The following RYR1 variants were observed in gnomAD, a reference collection of about 807,000 sequenced individuals.
RYR1 encodes the protein ryanodine receptor 1.
RYR1 carries 342 observed loss-of-function variants against 583.5 expected under a neutral mutation model. The ratio of observed to expected loss-of-function variants is 0.59; its 90% CI spans 0.54 to 0.64. The LOEUF (loss-of-function observed/expected upper bound fraction) is 0.64. Ranked by LOEUF, RYR1 falls within the 30% of genes least tolerant of loss-of-function variation. The pLI, the probability that RYR1 is intolerant of heterozygous loss-of-function variation, is 0.00. For missense variants in RYR1, 6,032 were observed against 6,917.2 expected, an observed-to-expected ratio of 0.87 and a Z score of 4.54; for synonymous variants, 2,791 against 2,822.5, an observed-to-expected ratio of 0.99 and a Z score of 0.35.
chr19:38,528,015 G>T (rs1971552014), intron 73 of RYR1: 2 of 621,024 alleles, frequency 3.2e-6, no homozygotes, highest in Admixed American at 2.9e-5. Context: ...AGGTCTAGGG[G>T]TGGGGCCTAG....
intron 52 of RYR1, 61 bp downstream of exon 52, chr19:38,505,142 G>GAT: frequency 1.3e-6 from 2 of 1,507,630 alleles, no homozygotes; most frequent in Non-Finnish European, 1.8e-6. Context: ...CCCCCGACCT[G>GAT]GTTCTTCCCT....
At chr19:38,508,441 C>T (rs1014564350) in intron 58 of RYR1, among the ~76,000 whole-genome samples, 41 of 152,070 alleles carry the variant, frequency 2.7e-4, no homozygotes, top group African/African-American at 9.7e-4. Flanking sequence ...CTCGATCTCT[C>T]GACCTCGTGA....
At chr19:38,488,095 G>C (rs1377355414) in intron 34 of RYR1, among the ~76,000 whole-genome samples, 1 of 152,092 alleles carries the variant, frequency 6.6e-6, no homozygotes, top group African/African-American at 2.4e-5. Context: ...GTGATTACAG[G>C]TGTGAGCCAC....
rs778555916 is a variant in RYR1 at position 38,504,203 on chromosome 19, C to G, written c.7927-17C>G. The G allele has an allele frequency of 6.2e-7, 1 of 1,605,598 alleles. No homozygotes were observed. The highest frequency in any genetic ancestry group is 1.7e-5 in the Admixed American group (1 of 58,414). ...GTGCCCCCCTCATTTGTGTGTCCCC[C>G]TCTTGTTCCCACCCAGCTCCTCACC... On this transcript the variant is annotated splice_polypyrimidine_tract_variant and intron_variant, in intron 49 of 105. Coordinates refer to ENST00000359596, the MANE Select transcript of RYR1 (RefSeq NM_000540.3).
intron 36 of RYR1, 138 bp from the exon 37 acceptor site, chr19:38,490,483 C>T (rs1195481508): frequency 7.5e-6 from 6 of 797,846 alleles, no homozygotes; most frequent in Non-Finnish European, 1.3e-5. Flanking sequence ...TGGCCCTAGT[C>T]TCCCAAATAG....
intron 104 of RYR1, 106 bp from the exon 105 acceptor site, chr19:38,586,419 G>A (rs1316811424): frequency 1.8e-5 from 23 of 1,257,994 alleles, no homozygotes; most frequent in African/African-American, 3.0e-5. Context: ...CCAGGAGTTC[G>A]AGACCAGCTT....
At position 38,505,358 on chromosome 19, in the gene RYR1, C is replaced by G. The variant is rs35180584; in HGVS notation, c.8360C>G (p.Thr2787Ser). 2.0e-3 allele frequency: 3,225 copies of G among 1,612,374 alleles called. 39 individuals are homozygous for G. In the African/African-American group the frequency reaches 0.03, roughly 15 times the overall value. ...YGENIDEELK[T>S]HPMLRPYKTF... ...GAGAACATAGACGAGGAGCTGAAGA[C>G]CCACCCCATGCTGAGGCCCTACAAG... The change falls in exon 53 of 106, where the codon ACC becomes AGC. Residue 2787 changes from threonine to serine, a missense_variant. Coordinates refer to ENST00000359596, the MANE Select transcript of RYR1 (RefSeq NM_000540.3).
In RYR1 at chr19:38,528,690, C is replaced by A; in HGVS notation, c.11029C>A (p.Leu3677Ile). The A allele has an allele frequency of 6.2e-7, 1 of 1,614,134 alleles. No homozygotes were observed. Among genetic ancestry groups the A allele is most frequent in the South Asian group, 1.1e-5 (1 of 91,082 alleles). The change falls in exon 75 of 106, where the codon CTT (leucine) becomes ATT (isoleucine). Residue 3677 changes from leucine to isoleucine, a missense_variant. Around this residue, in one of 11 missense-constraint regions of RYR1, gnomAD observed 1,493 missense variants for 1,715.5 expected, o/e 0.87. Transcript: ENST00000359596. Reference protein sequence around the residue: ...HSFEDRMIDDLSKAGEQEEEE... With the variant: ...HSFEDRMIDDISKAGEQEEEE... ...TTTTGAGGACCGCATGATAGATGAC[C>A]TTTCAGTGAGCTGGGACCCGCCTGG...
At position 38,586,143 on chromosome 19, in the gene RYR1, A is replaced by T; in HGVS notation, c.14921A>T (p.His4974Leu). Residue 4974 changes from histidine (H) to leucine (L), a missense_variant, in exon 104 of 106, where the codon CAT becomes CTT. Transcript: ENST00000359596. ...AGTGACTACTTTGATACGACACCGC[A>T]TGGCTTCGAGACTCACACGCTGGAG... is the stretch of plus-strand genomic sequence containing the variant. ...IGSDYFDTTP[H>L]GFETHTLEEH... 6.2e-7 allele frequency: 1 copy of T among 1,614,112 alleles called. No homozygotes were observed.
At position 38,460,494 on chromosome 19, in the gene RYR1, A is replaced by T. The variant is rs758782788; in HGVS notation, c.2480A>T (p.Glu827Val). ...CGACTCCATCTTGAACCCATCAAGG[A>T]GTATCGACGGGAGGGGCCCCGGGGG... is the stretch of plus-strand genomic sequence containing the variant. Reference protein sequence around the residue: ...RERLHLEPIKEYRREGPRGPH... With the variant: ...RERLHLEPIKVYRREGPRGPH... Residue 827 changes from glutamate to valine, a missense_variant, in exon 20 of 106, where the codon GAG becomes GTG. By Grantham distance (121) the Glu-to-Val change is moderately radical. Around this residue, in one of 11 missense-constraint regions of RYR1, gnomAD observed 2,627 missense variants for 2,961.3 expected, o/e 0.89. Transcript: ENST00000359596. The T allele has an allele frequency of 6.8e-6, 11 of 1,614,022 alleles. No homozygotes were observed. The African/African-American group carries it at 1.5e-4, about 22-fold the overall frequency.
Position 38,561,366 on chromosome 19 carries a change from G to A in RYR1, c.12536G>A (p.Arg4179His), listed in dbSNP as rs564867337. 2.5e-6 allele frequency: 4 copies of A among 1,613,654 alleles called. No homozygotes were observed. The highest frequency in any genetic ancestry group is 3.4e-6 in the Non-Finnish European group (4 of 1,180,006). Residue 4179 changes from arginine (R) to histidine (H), a missense_variant, in exon 90 of 106, where the codon CGC becomes CAC. Transcript: ENST00000359596. This position sits in a 1 kb window ranked among gnomAD's most constrained non-coding sequence, Gnocchi z 4.8. ...ILEYFRPYLG[R>H]IEIMGASRRI... is the part of the protein sequence containing the mutation. Reference sequence around the variant, plus strand: ...GAGTACTTCCGCCCCTACCTGGGCCGCATCGAGATCATGGGCGCGTCACGC... The same window carrying A: ...GAGTACTTCCGCCCCTACCTGGGCCACATCGAGATCATGGGCGCGTCACGC...
chr19:38,477,932 C>T (rs1968819920), intron 30 of RYR1, 62 bp downstream of exon 30: 2 of 1,507,324 alleles, frequency 1.3e-6, no homozygotes, highest in Non-Finnish European at 1.8e-6. Flanking sequence ...AGTCAGAGCT[C>T]CCGACACCAG....
chr19:38,441,805 C>T (rs944424620), intron 2 of RYR1, among the ~76,000 whole-genome samples: 4 of 151,708 alleles, frequency 2.6e-5, no homozygotes, highest in Admixed American at 6.6e-5. Context: ...AGGAGTTGGA[C>T]GGTGGGAGAC....
chr19:38,445,893 G>A (rs113082524), intron 7 of RYR1, among the ~76,000 whole-genome samples: 2,363 of 93,276 alleles, frequency 0.025, 55 homozygotes, highest in African/African-American at 0.074. Context: ...GGGAGGCTGA[G>A]GCAGTATTGC....
intron 1 of RYR1, among the ~76,000 whole-genome samples, chr19:38,437,741 A>G: frequency 6.6e-6 from 1 of 152,060 alleles, no homozygotes; most frequent in East Asian, 1.9e-4. Flanking sequence ...ACTTGAAACC[A>G]GGAGTCGGAA....
In RYR1 at chr19:38,575,905, CT is replaced by C. The variant is rs757965920; in HGVS notation, c.14130-13del. The C allele has an allele frequency of 2.0e-5, 33 of 1,613,914 alleles. No individual in the cohort carries two copies. In the African/African-American group the frequency reaches 4.0e-4, roughly 20 times the overall value. On this transcript the variant is annotated splice_polypyrimidine_tract_variant and intron_variant, in intron 96 of 105. Coordinates refer to ENST00000359596, the MANE Select transcript of RYR1 (RefSeq NM_000540.3). ...AACATCTTATACTCACGCTTTCTCT[CT>C]CTCTCTCTGCAGGTCTTTCCCTAGC...
chr19:38,475,845 G>A (rs554545353), intron 29 of RYR1, among the ~76,000 whole-genome samples: 4 of 152,206 alleles, frequency 2.6e-5, no homozygotes, highest in African/African-American at 9.6e-5. Context: ...TATAGTTTTG[G>A]GATTTCCCCA....
intron 31 of RYR1, among the ~76,000 whole-genome samples, chr19:38,481,567 A>G (rs1191308968): frequency 1.3e-5 from 2 of 151,948 alleles, no homozygotes; most frequent in Non-Finnish European, 2.9e-5. Flanking sequence ...GAACCAGGCT[A>G]TTTGTCCTGT....
chr19:38,470,380 G>A (rs906039324), intron 27 of RYR1, among the ~76,000 whole-genome samples: 1 of 150,806 alleles, frequency 6.6e-6, no homozygotes, highest in African/African-American at 2.4e-5. Flanking sequence ...CGAGGCTGCA[G>A]TAAGCTGATT....
Sources: gnomAD v4.1 joint callset for allele counts (sites outside exome capture counted in the v4.1 genomes callset) on GRCh38, gnomAD v4.1.1 for gene constraint, gnomAD v4.1.1 regional missense constraint, Gnocchi (gnomAD v3.1) non-coding constraint, MANE v1.5 for transcripts, NCBI Gene and HGNC (gene_info 2026-07-23, HGNC 2026-07-21) for gene names.